Variants in NLRC5 observed in about 807,000 individuals in gnomAD.
The protein encoded by NLRC5 is protein NLRC5.
NLRC5 carries 114 observed loss-of-function variants against 206.9 expected under a neutral mutation model. That is an observed-to-expected ratio of 0.55 (90% CI 0.47 to 0.64). The LOEUF is 0.64. Ranked by LOEUF, NLRC5 falls within the 30% of genes least tolerant of loss-of-function variation. NLRC5 has a pLI of 0.00. For missense variants in NLRC5, 2,008 were observed against 2,305.5 expected (o/e 0.87, Z 2.64); for synonymous variants, 952 against 962.8 (o/e 0.99, Z 0.21).
intron 11 of NLRC5, 26 bp from the exon 12 acceptor site, chr16:57,033,578 G>A: frequency 6.2e-7 from 1 of 1,613,152 alleles, no homozygotes; most frequent in Admixed American, 1.7e-5. Flanking sequence ...CTGAGCCCAG[G>A]CCAATGCTTG....
rs1420464431 is a variant in NLRC5, at chr16:57,042,151, G to A, written c.3113+86G>A. On this transcript the variant is annotated intron_variant, in intron 19 of 48. Coordinates refer to ENST00000688547, the MANE Select transcript of NLRC5 (RefSeq NM_001384950.1). ...CATCCCCCTCTTTCCTGGGGTTATTGTAAAGATTAAATCGGAAAATGCATG... is the reference window on the plus strand; with the variant it reads ...CATCCCCCTCTTTCCTGGGGTTATTATAAAGATTAAATCGGAAAATGCATG... 1.3e-5 allele frequency: 11 copies of A among 874,652 alleles called. No homozygotes were observed. The East Asian group carries it at 3.3e-4, about 27-fold the overall frequency. 54.2% of individuals were successfully genotyped at this position (874,652 alleles called of 1,614,324 possible). A position where few individuals can be genotyped will look rare whatever the true frequency, so the allele number is the denominator to read the frequency against.
chr16:57,072,931 A>G (rs1320309373), intron 38 of NLRC5, among the ~76,000 whole-genome samples: 2 of 152,126 alleles, frequency 1.3e-5, no homozygotes, highest in Non-Finnish European at 2.9e-5. Context: ...GGAGAGGATC[A>G]GGTAAAAGGA....
intron 30 of NLRC5, among the ~76,000 whole-genome samples, chr16:57,061,044 C>T (rs74862918): frequency 4.6e-4 from 70 of 152,322 alleles, no homozygotes; most frequent in African/African-American, 1.6e-3. Flanking sequence ...GTCAGACTGA[C>T]CTGGATGGAA....
chr16:57,046,029 G>T (rs1293616618), intron 21 of NLRC5, among the ~76,000 whole-genome samples: 1 of 152,206 alleles, frequency 6.6e-6, no homozygotes, highest in Non-Finnish European at 1.5e-5. Flanking sequence ...GACAGGGTGG[G>T]CCCATGTGCA....
rs1344999871 is a variant in NLRC5, at chr16:57,026,293, G to C, written c.1350G>C (p.Gly450=). The change falls in exon 6 of 49, where the codon GGG becomes GGC. Residue 450 remains glycine, a synonymous_variant. Coordinates refer to ENST00000688547, the MANE Select transcript of NLRC5 (RefSeq NM_001384950.1). ...MQMVLALSPP[G]HLPTSSLLDL... ...TGGTGCTCGCCCTCAGCCCCCCTGG[G>C]CACTTGCCCACCTCGTCCCTACTGG... 6.2e-7 allele frequency: 1 copy of C among 1,613,924 alleles called. No homozygotes were observed. The highest frequency in any genetic ancestry group is 8.5e-7 in the Non-Finnish European group (1 of 1,180,044).
At chr16:57,040,196 T>C (rs2063107588) in intron 16 of NLRC5, among the ~76,000 whole-genome samples, 1 of 152,150 alleles carries the variant, frequency 6.6e-6, no homozygotes, top group Non-Finnish European at 1.5e-5. Flanking sequence ...GGTCGGAACT[T>C]CTGTATCCCT....
At chr16:57,067,904 T>G (rs2067237107) in intron 36 of NLRC5, 76 bp downstream of exon 36, 4 of 1,196,130 alleles carry the variant, frequency 3.3e-6, no homozygotes, top group Non-Finnish European at 5.0e-6. Flanking sequence ...TTCCCAGCCC[T>G]GGGCTCAGAG....
intron 2 of NLRC5, among the ~76,000 whole-genome samples, chr16:57,017,571 G>A (rs62035542): frequency 0.09 from 13,652 of 152,172 alleles, 717 homozygotes; most frequent in Middle Eastern, 0.1. Context: ...TTCCTGTCTC[G>A]TGTGGATTGA....
intron 3 of NLRC5, 111 bp downstream of exon 3, chr16:57,021,118 C>T (rs184991438): frequency 1.1e-4 from 101 of 907,306 alleles, no homozygotes; most frequent in Middle Eastern, 3.1e-4. Context: ...AGCCCAGCCA[C>T]GATCTCAACT....
intron 1 of NLRC5, among the ~76,000 whole-genome samples, chr16:56,992,787 A>G (rs1164039026): frequency 6.6e-6 from 1 of 152,082 alleles, no homozygotes; most frequent in African/African-American, 2.4e-5. Context: ...CCATATATTC[A>G]TATTTTTAAT....
rs1377976286 is a variant in NLRC5, at chr16:57,025,775, T to C, written c.832T>C (p.Phe278Leu). Residue 278 changes from phenylalanine (F) to leucine (L), a missense_variant, in exon 6 of 49, where the codon TTT (phenylalanine) becomes CTT (leucine). Physicochemically the swap from Phe to Leu is conservative, Grantham distance 22. Transcript: ENST00000688547. The stretch of plus-strand genomic sequence containing the variant: ...GTTCCTGACACCGTCCGAGCTCCTT[T>C]TTGATCTGTACCTGAGCCCTGAATC... ...TRFLTPSELL[F>L]DLYLSPESDH... 6.2e-7 allele frequency: 1 copy of C among 1,614,216 alleles called. No individual in the cohort carries two copies. Among genetic ancestry groups the C allele is most frequent in the Non-Finnish European group, 8.5e-7 (1 of 1,180,030 alleles).
intron 15 of NLRC5, 35 bp downstream of exon 15, chr16:57,037,319 C>A (rs371542391): frequency 2.3e-5 from 37 of 1,574,694 alleles, no homozygotes; most frequent in South Asian, 1.0e-4. Context: ...ACCCATCCCC[C>A]CCCCCATCAT....
intron 33 of NLRC5, among the ~76,000 whole-genome samples, chr16:57,065,935 T>TCCCCATAAGCACCCC (rs541149537): frequency 6.6e-6 from 1 of 152,230 alleles, no homozygotes; most frequent in African/African-American, 2.4e-5. Flanking sequence ...CATAGCCCTC[T>TCCCCATAAGCACCCC]CCCCATAAGC....
intron 32 of NLRC5, among the ~76,000 whole-genome samples, chr16:57,063,290 T>C (rs537533850): frequency 1.3e-5 from 2 of 151,586 alleles, no homozygotes; most frequent in African/African-American, 4.8e-5. Flanking sequence ...TTTTTTTTTG[T>C]ATTTTTGTAG....
At chr16:57,008,384 A>T (rs1428362222) in intron 1 of NLRC5, among the ~76,000 whole-genome samples, 1 of 152,248 alleles carries the variant, frequency 6.6e-6, no homozygotes, top group African/African-American at 2.4e-5. Flanking sequence ...GCTTTCTGGT[A>T]CTTTCATGGT....
At chr16:56,997,304 C>G (rs1240946600) in intron 1 of NLRC5, among the ~76,000 whole-genome samples, 1 of 152,116 alleles carries the variant, frequency 6.6e-6, no homozygotes, top group Non-Finnish European at 1.5e-5. Context: ...ATACTGTAGC[C>G]TGATGCCCAG....
chr16:57,061,528 T>G lies in NLRC5; in HGVS notation c.4067T>G (p.Leu1356Arg). The G allele has an allele frequency of 6.2e-7, 1 of 1,609,792 alleles. No homozygotes were observed. The highest frequency in any genetic ancestry group is 8.5e-7 in the Non-Finnish European group (1 of 1,179,998). ...AGCAAGTCCCTGCAGCTGACGGAGC[T>G]CACGTGAGTGACCCACCCAGCCCGT... is the stretch of plus-strand genomic sequence containing the variant. ...GLSKSLQLTE[L>R]TLTQCCLGQK... is the part of the protein sequence containing the mutation. The change falls in exon 31 of 49, where the codon CTC becomes CGC. Residue 1356 changes from leucine (L) to arginine (R), a missense_variant. Physicochemically the swap from Leu to Arg is moderately radical, Grantham distance 102. Coordinates refer to ENST00000688547, the MANE Select transcript of NLRC5 (RefSeq NM_001384950.1).
At chr16:57,019,830 G>A (rs1403816439) in intron 2 of NLRC5, among the ~76,000 whole-genome samples, 1 of 152,188 alleles carries the variant, frequency 6.6e-6, no homozygotes, top group Non-Finnish European at 1.5e-5. Flanking sequence ...TGAGGAAGAA[G>A]GGAAGAACAG....
intron 1 of NLRC5, among the ~76,000 whole-genome samples, chr16:56,995,482 A>AT (rs1329572584): frequency 6.6e-6 from 1 of 152,150 alleles, no homozygotes; most frequent in Non-Finnish European, 1.5e-5. Flanking sequence ...ATGAACTTTT[A>AT]TTTTTTAAAT....
Sources: gnomAD v4.1 joint callset for allele counts (sites outside exome capture counted in the v4.1 genomes callset) on GRCh38, gnomAD v4.1.1 for gene constraint, MANE v1.5 for transcripts, NCBI Gene and HGNC (gene_info 2026-07-23, HGNC 2026-07-21) for gene names.